ZNF423: variants seen among roughly 807,000 people sequenced by gnomAD.
ZNF423 encodes the protein Ebf-associated zinc finger protein.
In ZNF423, 12 loss-of-function variants were observed where a neutral mutation model predicts 95.8. The observed-to-expected ratio is 0.13, with a 90% CI of 0.08 to 0.20. ZNF423 has a LOEUF of 0.20. Among genes scored for constraint, ZNF423 ranks in the 10% least tolerant of loss-of-function variants. The pLI is 1.00. For missense variants in ZNF423, 1,316 were observed against 1,737.1 expected (o/e 0.76, Z 4.31); for synonymous variants, 749 against 711.9 (o/e 1.05, Z -0.83).
At chr16:49,738,415 T>C (rs2033339865) in intron 2 of ZNF423, among the ~76,000 whole-genome samples, 1 of 152,120 alleles carries the variant, frequency 6.6e-6, no homozygotes, top group Non-Finnish European at 1.5e-5. Flanking sequence ...ATGAGTGACC[T>C]TGACCAAGGC....
At chr16:49,651,886 C>T (rs1371111836) in intron 3 of ZNF423, among the ~76,000 whole-genome samples, 1 of 152,150 alleles carries the variant, frequency 6.6e-6, no homozygotes, top group Non-Finnish European at 1.5e-5. Context: ...CCAACAGGGT[C>T]TAAGCTAAAC....
chr16:49,709,190 G>A (rs1039482568), intron 3 of ZNF423, among the ~76,000 whole-genome samples: 4 of 88,676 alleles, frequency 4.5e-5, no homozygotes, highest in South Asian at 4.7e-4. Context: ...ATATGAAAAC[G>A]GAGCTTCGGA....
chr16:49,615,424 G>A (rs1971844611), intron 5 of ZNF423, among the ~76,000 whole-genome samples: 1 of 152,180 alleles, frequency 6.6e-6, no homozygotes, highest in South Asian at 2.1e-4. Flanking sequence ...TAGAGGGGAA[G>A]GATGGGACAG....
At chr16:49,728,283 C>T (rs2033079384) in intron 3 of ZNF423, among the ~76,000 whole-genome samples, 3 of 152,196 alleles carry the variant, frequency 2.0e-5, no homozygotes, top group Admixed American at 1.3e-4. Context: ...AAAGTAACTC[C>T]TCACACATCT....
At chr16:49,599,970 A>G (rs1259337003) in intron 5 of ZNF423, among the ~76,000 whole-genome samples, 1 of 152,236 alleles carries the variant, frequency 6.6e-6, no homozygotes, top group East Asian at 1.9e-4. Flanking sequence ...GTAAAACTGT[A>G]TCACGCAATA....
chr16:49,547,168 T>C (rs1005389529), intron 5 of ZNF423, among the ~76,000 whole-genome samples: 3 of 152,182 alleles, frequency 2.0e-5, no homozygotes, highest in African/African-American at 7.2e-5. Flanking sequence ...CAATGGTTTA[T>C]TTCTCATTTG....
At chr16:49,677,312 G>GAAGAGAAGAGAA (rs1567284159) in intron 3 of ZNF423, among the ~76,000 whole-genome samples, 1 of 19,646 alleles carries the variant, frequency 5.1e-5, no homozygotes. Context: ...AGAAGAGAAA[G>GAAGAGAAGAGAA]GAGGGGAAGG....
chr16:49,791,567 C>T (rs1029770316), intron 1 of ZNF423, among the ~76,000 whole-genome samples: 1 of 152,124 alleles, frequency 6.6e-6, no homozygotes, highest in African/African-American at 2.4e-5. Context: ...TGTTAGACAC[C>T]TTCCACAAGG....
chr16:49,574,241 C>T, intron 5 of ZNF423, among the ~76,000 whole-genome samples: 1 of 152,162 alleles, frequency 6.6e-6, no homozygotes, highest in East Asian at 1.9e-4. Context: ...AAAAATTAGC[C>T]ATGCATGGTG....
Position 49,590,502 on chromosome 16 carries a change from G to A in ZNF423, c.3601+35668C>T, listed in dbSNP as rs146552160. Among the ~76,000 whole-genome samples, 15 of 152,258 alleles carry A rather than the reference G, an allele frequency of 9.9e-5. No homozygotes were observed. The East Asian group carries it at 2.9e-3, about 30-fold the overall frequency. ...CCAGCTCACCCCAATTAAAAGCAGGGATAAAGACACACACTCATTATCACC... is the reference window on the plus strand; with the variant it reads ...CCAGCTCACCCCAATTAAAAGCAGGAATAAAGACACACACTCATTATCACC... On this transcript the variant is annotated intron_variant, in intron 5 of 7. Coordinates refer to ENST00000563137, the MANE Select transcript of ZNF423 (RefSeq NM_001379286.1).
At chr16:49,522,694 C>T (rs558631604) in intron 7 of ZNF423, among the ~76,000 whole-genome samples, 145 of 152,102 alleles carry the variant, frequency 9.5e-4, no homozygotes, top group Non-Finnish European at 1.8e-3. Context: ...TGCATGTGTG[C>T]GGTATTCCTC....
chr16:49,857,139 C>G (rs1482773613), upstream of ZNF423, among the ~76,000 whole-genome samples: 1 of 150,494 alleles, frequency 6.6e-6, no homozygotes, highest in Non-Finnish European at 1.5e-5. This position sits in a 1 kb window ranked among gnomAD's most constrained non-coding sequence, Gnocchi z 6.2. Flanking sequence ...GTAGCCGGGT[C>G]CCAGCAGGAG....
intron 2 of ZNF423, among the ~76,000 whole-genome samples, chr16:49,766,249 G>A (rs1032498026): frequency 6.6e-6 from 1 of 152,142 alleles, no homozygotes; most frequent in East Asian, 1.9e-4. Context: ...ATAAGACAAG[G>A]TTGTTTCATG....
At chr16:49,731,066 T>G in intron 2 of ZNF423, 95 bp from the exon 3 acceptor site, 1 of 1,391,940 alleles carries the variant, frequency 7.2e-7, no homozygotes, top group Non-Finnish European at 1.0e-6. Flanking sequence ...TACATTTAAT[T>G]ACTCTACCTC....
chr16:49,694,087 C>T (rs766469008), intron 3 of ZNF423, among the ~76,000 whole-genome samples: 8 of 152,206 alleles, frequency 5.3e-5, no homozygotes, highest in South Asian at 2.1e-4. Context: ...GTCTGTCTAA[C>T]GAGGTTCTCC....
At chr16:49,810,458 C>T (rs796940240) in intron 1 of ZNF423, among the ~76,000 whole-genome samples, 10 of 152,240 alleles carry the variant, frequency 6.6e-5, no homozygotes, top group African/African-American at 1.7e-4. Flanking sequence ...GATAAACAGA[C>T]GCCTCCTTCT....
chr16:49,722,249 G>A (rs551162934), intron 3 of ZNF423, among the ~76,000 whole-genome samples: 1 of 152,304 alleles, frequency 6.6e-6, no homozygotes, highest in South Asian at 2.1e-4. Context: ...GCAGACCCAG[G>A]CTGGCCGGTG....
chr16:49,516,106 C>T (rs566682196), intron 7 of ZNF423, among the ~76,000 whole-genome samples: 6 of 152,324 alleles, frequency 3.9e-5, no homozygotes, highest in South Asian at 2.1e-4. Flanking sequence ...AGGTCAAAGG[C>T]GCTCAGAGAA....
rs1258499841 is a variant in ZNF423 at position 49,776,048 on chromosome 16, G to A, written c.100+13439C>T. 2.0e-5 allele frequency among the ~76,000 whole-genome samples: 3 copies of A among 152,220 alleles called. No individual in the cohort carries two copies. The South Asian group carries it at 6.2e-4, about 32-fold the overall frequency. On this transcript the variant is annotated intron_variant, in intron 2 of 7. Transcript: ENST00000563137. ...CTGTGGGGCAAGGGCTCTGAACACA[G>A]AGGCTTGGGCCATTTAGGGAGAGGA...
Sources: gnomAD v4.1 joint callset for allele counts (sites outside exome capture counted in the v4.1 genomes callset) on GRCh38, gnomAD v4.1.1 for gene constraint, Gnocchi (gnomAD v3.1) non-coding constraint, MANE v1.5 for transcripts, NCBI Gene and HGNC (gene_info 2026-07-23, HGNC 2026-07-21) for gene names.